Variants in WWOX observed in about 807,000 individuals in gnomAD.
The protein encoded by WWOX is WW domain containing oxidoreductase.
A neutral mutation model predicts 46.2 loss-of-function variants in WWOX; 69 were observed. The ratio of observed to expected loss-of-function variants is 1.49; its 90% CI spans 1.23 to 1.82. WWOX has a LOEUF of 1.82. WWOX is among the 40% of genes most tolerant of loss of function. The probability of loss-of-function intolerance (pLI) is 0.00; values close to 1 mark genes in which losing one functional copy is unlikely to be tolerated. For missense variants in WWOX, 919 were observed against 542.6 expected (o/e 1.69, Z -6.89); for synonymous variants, 359 against 202.6 (o/e 1.77, Z -6.56).
chr16:78,938,105 A>T (rs2062897), intron 8 of WWOX, among the ~76,000 whole-genome samples: 63,545 of 151,978 alleles, frequency 0.42, 13,600 homozygotes, highest in Middle Eastern at 0.47. Context: ...AGACCCTGTG[A>T]TTTTATTTTT....
rs1467654620 is a variant in WWOX at position 79,169,450 on chromosome 16, G to C, written c.1057-42158G>C. On this transcript the variant is annotated intron_variant, in intron 8 of 8. Coordinates refer to ENST00000566780, the MANE Select transcript of WWOX (RefSeq NM_016373.4). ...CCCTGCAGCTGCAGAGGGTCTCACTGAGCACTATTCTTGGAATTCTTAAAA... is the reference window on the plus strand; with the variant it reads ...CCCTGCAGCTGCAGAGGGTCTCACTCAGCACTATTCTTGGAATTCTTAAAA... Among the ~76,000 whole-genome samples, 4 of 152,170 alleles carry C rather than the reference G, an allele frequency of 2.6e-5. No homozygotes were observed. In the East Asian group the frequency reaches 7.7e-4, roughly 29 times the overall value.
At chr16:78,550,724 T>C in intron 8 of WWOX, 1 of 152,150 alleles carries the variant, frequency 6.6e-6, no homozygotes, top group East Asian at 1.9e-4. Flanking sequence ...GTGGGGTGGT[T>C]GGATGGGAAG....
intron 5 of WWOX, among the ~76,000 whole-genome samples, chr16:78,382,617 A>G (rs1303768887): frequency 6.6e-6 from 1 of 152,196 alleles, no homozygotes; most frequent in Non-Finnish European, 1.5e-5. Context: ...GGTTTTGCCA[A>G]TGAAGAGAGC....
chr16:78,436,048 C>A (rs923243813), intron 8 of WWOX, among the ~76,000 whole-genome samples: 34 of 152,150 alleles, frequency 2.2e-4, no homozygotes, highest in African/African-American at 8.2e-4. Flanking sequence ...ACCACGTGTG[C>A]CAAGTGGCTG....
chr16:78,146,903 G>A (rs3764298), intron 4 of WWOX, among the ~76,000 whole-genome samples: 23,200 of 152,164 alleles, frequency 0.15, 2,061 homozygotes, highest in East Asian at 0.22. Context: ...AGCATTGCCC[G>A]TGCCTTCCAC....
At chr16:79,178,654 A>C (rs1013287196) in intron 8 of WWOX, among the ~76,000 whole-genome samples, 2 of 152,082 alleles carry the variant, frequency 1.3e-5, no homozygotes, top group Non-Finnish European at 2.9e-5. Context: ...TCATCTCTCC[A>C]ATCTTCGAAG....
intron 8 of WWOX, among the ~76,000 whole-genome samples, chr16:78,926,362 C>A (rs1309091809): frequency 2.3e-5 from 2 of 86,322 alleles, no homozygotes; most frequent in African/African-American, 5.1e-5. Context: ...GACAGTGAGA[C>A]CCTATCTCAA....
intron 4 of WWOX, among the ~76,000 whole-genome samples, chr16:78,125,956 T>A (rs746952189): frequency 2.3e-4 from 35 of 152,238 alleles, no homozygotes; most frequent in Non-Finnish European, 8.8e-5. Context: ...AAAATAAGAA[T>A]AAAAGATTTA....
At chr16:78,270,403 C>T (rs528736504) in intron 5 of WWOX, 2 of 152,372 alleles carry the variant, frequency 1.3e-5, no homozygotes, top group South Asian at 4.1e-4. Flanking sequence ...TGCCTCCTTC[C>T]AGGACAACGG....
chr16:78,170,284 A>G (rs2035112480), intron 5 of WWOX, among the ~76,000 whole-genome samples: 2 of 152,066 alleles, frequency 1.3e-5, no homozygotes, highest in Non-Finnish European at 1.5e-5. Context: ...ACTTCTTTAA[A>G]CCTCAGTTTC....
At chr16:79,103,031 T>C (rs2049234002) in intron 8 of WWOX, among the ~76,000 whole-genome samples, 1 of 152,190 alleles carries the variant, frequency 6.6e-6, no homozygotes, top group Non-Finnish European at 1.5e-5. Flanking sequence ...CTTTGTGTCC[T>C]TGTTTCCATT....
chr16:78,856,138 T>G (rs1433095582), intron 8 of WWOX, among the ~76,000 whole-genome samples: 2 of 152,072 alleles, frequency 1.3e-5, no homozygotes, highest in East Asian at 1.9e-4. Context: ...AGTTCAGGGT[T>G]GAAAAGAGTC....
At chr16:78,243,928 C>T (rs2049204984) in intron 5 of WWOX, among the ~76,000 whole-genome samples, 1 of 152,200 alleles carries the variant, frequency 6.6e-6, no homozygotes, top group South Asian at 2.1e-4. Flanking sequence ...TTGGTTTTCT[C>T]TTCCCGCATT....
At chr16:79,003,091 A>G (rs758997885) in intron 8 of WWOX, among the ~76,000 whole-genome samples, 6 of 152,202 alleles carry the variant, frequency 3.9e-5, no homozygotes, top group Non-Finnish European at 7.3e-5. Context: ...TTCCCCCTGA[A>G]AAACCTCCTT....
rs559096407 is a variant in WWOX at position 78,681,610 on chromosome 16, C to G, written c.1056+248858C>G. Among the ~76,000 whole-genome samples, 6 of 151,880 alleles carry G rather than the reference C, an allele frequency of 4.0e-5. No individual in the cohort carries two copies. The East Asian group carries it at 7.8e-4, about 20-fold the overall frequency. On this transcript the variant is annotated intron_variant, in intron 8 of 8. Coordinates refer to ENST00000566780, the MANE Select transcript of WWOX (RefSeq NM_016373.4). Reference sequence around the variant, plus strand: ...AATACAGGGCTCTGCCCATTAGAATCTCTAGGGACAGACCGAGGTTTGAGA... The same window carrying G: ...AATACAGGGCTCTGCCCATTAGAATGTCTAGGGACAGACCGAGGTTTGAGA...
chr16:78,532,391 T>A (rs2043643929), intron 8 of WWOX, among the ~76,000 whole-genome samples: 1 of 152,162 alleles, frequency 6.6e-6, no homozygotes. Flanking sequence ...GAAATCCTCA[T>A]CTTTGAAATG....
At chr16:78,352,124 C>T (rs973955965) in intron 5 of WWOX, among the ~76,000 whole-genome samples, 8 of 152,176 alleles carry the variant, frequency 5.3e-5, no homozygotes, top group African/African-American at 1.9e-4. Context: ...GCACCTCGGC[C>T]TATGCGATTG....
chr16:79,014,396 G>A (rs535227670), intron 8 of WWOX, among the ~76,000 whole-genome samples: 74 of 152,244 alleles, frequency 4.9e-4, no homozygotes, highest in Admixed American at 7.2e-4. Context: ...AAACACTGTG[G>A]AACCTTTAAA....
intron 8 of WWOX, among the ~76,000 whole-genome samples, chr16:79,050,229 G>A (rs957708433): frequency 2.6e-5 from 4 of 152,138 alleles, no homozygotes; most frequent in South Asian, 2.1e-4. Context: ...TGGTTTTGGT[G>A]GGGCTTCCCC....
Sources: allele counts gnomAD v4.1 joint callset (sites outside exome capture counted in the v4.1 genomes callset), GRCh38; gene constraint gnomAD v4.1.1; transcripts MANE v1.5; gene names NCBI Gene and HGNC (gene_info 2026-07-23, HGNC 2026-07-21).